The following TMED2 variants were observed in gnomAD, a reference collection of about 807,000 sequenced individuals.
TMED2 encodes transmembrane emp24 domain-containing protein 2.
Under a neutral mutation model 17.5 loss-of-function variants are expected in TMED2, and 3 were observed. The observed-to-expected ratio is 0.17, with a 90% CI of 0.08 to 0.44. The LOEUF (loss-of-function observed/expected upper bound fraction) is 0.44, where lower values mean the gene tolerates loss of function less well. Among genes scored for constraint, TMED2 ranks in the 20% least tolerant of loss-of-function variants. TMED2 has a pLI of 0.99. For synonymous variants in TMED2, 95 were observed against 91.0 expected, an observed-to-expected ratio of 1.04 and a Z score of -0.25; for missense variants, 149 against 254.8, an observed-to-expected ratio of 0.58 and a Z score of 2.83.
intron 1 of TMED2, chr12:123,585,922 C>T (rs1222395078): frequency 1.3e-5 from 2 of 152,130 alleles, no homozygotes; most frequent in Non-Finnish European, 1.5e-5. Flanking sequence ...GATAAAAATT[C>T]ATCTTGTTTA....
chr12:123,591,929 T>G (rs761886490), intron 3 of TMED2, among the ~76,000 whole-genome samples: 3 of 152,100 alleles, frequency 2.0e-5, no homozygotes, highest in Non-Finnish European at 4.4e-5. Flanking sequence ...GAGACTGGAG[T>G]AGGAAGTGAA....
Position 123,584,807 on chromosome 12 carries a change from C to A in TMED2, c.171C>A (p.Ile57=). ...FEVAEGGFLD[I]DVEITGPDNK... is the part of the protein sequence containing the mutation. ...TGGCGGAGGGCGGCTTCCTGGACATCGACGTGGAGGTGCGGGCTAGCTGCC... is the reference window on the plus strand; with the variant it reads ...TGGCGGAGGGCGGCTTCCTGGACATAGACGTGGAGGTGCGGGCTAGCTGCC... Residue 57 remains isoleucine (I), a synonymous_variant, in exon 1 of 4, where the codon ATC becomes ATA. Transcript: ENST00000262225. 3 of 1,610,134 alleles carry A rather than the reference C, an allele frequency of 1.9e-6. No individual in the cohort carries two copies. Among genetic ancestry groups the A allele is most frequent in the Non-Finnish European group, 2.5e-6 (3 of 1,179,806 alleles).
At chr12:123,585,939 A>T (rs1447410516) in intron 1 of TMED2, 1 of 152,246 alleles carries the variant, frequency 6.6e-6, no homozygotes, top group Non-Finnish European at 1.5e-5. Flanking sequence ...TTTATATTTT[A>T]AAAAACCACA....
Position 123,594,235 on chromosome 12 carries a change from C to T in TMED2, c.482-2370C>T, listed in dbSNP as rs192062801. 5.4e-3 allele frequency among the ~76,000 whole-genome samples: 823 copies of T among 151,496 alleles called. 7 individuals carry two copies. The highest frequency in any genetic ancestry group is 0.019 in the African/African-American group (776 of 41,288). On this transcript the variant is annotated intron_variant, in intron 3 of 3. Transcript: ENST00000262225. The stretch of plus-strand genomic sequence containing the variant: ...CTGCAAGCTCCGCCTCCCAGGTTCA[C>T]GCCATTCTCCTGCCTCAGCCTCTCG...
intron 3 of TMED2, 37 bp downstream of exon 3, chr12:123,590,486 G>C: frequency 6.6e-7 from 1 of 1,507,626 alleles, no homozygotes; most frequent in Non-Finnish European, 9.0e-7. Flanking sequence ...AGTGTCTGAT[G>C]GTGAAGGTTG....
chr12:123,592,259 T>C (rs952360), intron 3 of TMED2, among the ~76,000 whole-genome samples: 22,082 of 152,250 alleles, frequency 0.15, 1,859 homozygotes, highest in African/African-American at 0.23. Context: ...TTCTCTCTTA[T>C]CTTGTTGGGA....
rs1953382677 is a variant in TMED2, at chr12:123,590,379, A to G, written c.411A>G (p.Leu137=). The change falls in exon 3 of 4, where the codon CTA becomes CTG. Residue 137 remains leucine, a synonymous_variant. Coordinates refer to ENST00000262225, the MANE Select transcript of TMED2 (RefSeq NM_006815.4). Reference sequence around the variant, plus strand: ...AGCTAGAAGAAATGATCAATGAGCTAGCAGTGGCGATGACAGCTGTAAAGC... The same window carrying G: ...AGCTAGAAGAAATGATCAATGAGCTGGCAGTGGCGATGACAGCTGTAAAGC... ...QNKLEEMINE[L]AVAMTAVKHE... is the part of the protein sequence containing the mutation. 1.9e-6 allele frequency: 3 copies of G among 1,609,750 alleles called. No individual in the cohort carries two copies. The highest frequency in any genetic ancestry group is 4.5e-5 in the East Asian group (2 of 44,694).
At chr12:123,591,638 C>T (rs954448616) in intron 3 of TMED2, among the ~76,000 whole-genome samples, 4 of 152,162 alleles carry the variant, frequency 2.6e-5, no homozygotes, top group East Asian at 1.9e-4. Flanking sequence ...AAAAATTAGC[C>T]GGGCATGGTG....
intron 1 of TMED2, among the ~76,000 whole-genome samples, chr12:123,585,399 G>A (rs891128122): frequency 5.9e-5 from 9 of 152,244 alleles, no homozygotes; most frequent in Non-Finnish European, 1.3e-4. Flanking sequence ...CTGCCAAGGA[G>A]AGATGGGGAG....
Position 123,590,470 on chromosome 12 carries a change from T to G in TMED2, c.481+21T>G, listed in dbSNP as rs757583317. On this transcript the variant is annotated intron_variant, in intron 3 of 3. Transcript: ENST00000262225. ...AGCCAGTAAGTGAATGCCGTCACTT[T>G]GCAGCAGTGTCTGATGGTGAAGGTT... 2.4e-5 allele frequency: 37 copies of G among 1,558,878 alleles called. No homozygotes were observed. The African/African-American group carries it at 4.3e-4, about 18-fold the overall frequency.
At chr12:123,584,963 C>T (rs914084776) in intron 1 of TMED2, 147 bp downstream of exon 1, 1 of 1,028,828 alleles carries the variant, frequency 9.7e-7, no homozygotes, top group Non-Finnish European at 1.4e-6. Flanking sequence ...CACCCCCCGC[C>T]CCGCCCCGGC....
In TMED2 at chr12:123,586,760, A is replaced by G. The variant is rs1222605420; in HGVS notation, c.194A>G (p.Asp65Gly). The change falls in exon 2 of 4, where the codon GAT (aspartate) becomes GGT (glycine). Residue 65 changes from aspartate (D) to glycine (G), a missense_variant. Asp to Gly is a moderately conservative substitution (Grantham distance 94). Coordinates refer to ENST00000262225, the MANE Select transcript of TMED2 (RefSeq NM_006815.4). ...TCTTGCCTCCAGATTACAGGACCAG[A>G]TAACAAAGGAATTTACAAAGGAGAC... ...LDIDVEITGPDNKGIYKGDRE... is the reference protein window; with the variant it reads ...LDIDVEITGPGNKGIYKGDRE... 2.5e-6 allele frequency: 4 copies of G among 1,600,916 alleles called. No homozygotes were observed. The highest frequency in any genetic ancestry group is 2.2e-5 in the East Asian group (1 of 44,640).
chr12:123,596,581 G>A (rs570717834), intron 3 of TMED2, 24 bp from the exon 4 acceptor site: 1 of 1,565,720 alleles, frequency 6.4e-7, no homozygotes, highest in East Asian at 2.3e-5. Flanking sequence ...GTTAAATTTT[G>A]TTTGTTTGTT....
intron 3 of TMED2, among the ~76,000 whole-genome samples, chr12:123,590,706 G>A (rs1348023134): frequency 1.3e-5 from 2 of 152,130 alleles, no homozygotes; most frequent in East Asian, 3.9e-4. Flanking sequence ...TTTTCTGGCC[G>A]GGCATGGTGG....
chr12:123,590,018 C>CA (rs1477379177), intron 2 of TMED2, among the ~76,000 whole-genome samples: 1 of 150,994 alleles, frequency 6.6e-6, no homozygotes, highest in Non-Finnish European at 1.5e-5. Context: ...TGCAGTGGCT[C>CA]ACGCATGTAA....
intron 3 of TMED2, among the ~76,000 whole-genome samples, chr12:123,592,163 C>T (rs1440066069): frequency 6.6e-6 from 1 of 152,208 alleles, no homozygotes; most frequent in Non-Finnish European, 1.5e-5. Flanking sequence ...TGGACCAAGG[C>T]TTGTCTACAA....
rs1555273325 is a variant in TMED2, at chr12:123,584,588, C to CGGCTGT, written c.-46_-41dup. On this transcript the variant is annotated 5_prime_UTR_variant, in exon 1 of 4. Coordinates refer to ENST00000262225, the MANE Select transcript of TMED2 (RefSeq NM_006815.4). Reference sequence around the variant, plus strand: ...GGGGCGGCGGCGGCGGCGGCGGCGGCGGCTGTGGAGGCCGCAGTCCGGGTC... The same window carrying CGGCTGT: ...GGGGCGGCGGCGGCGGCGGCGGCGGCGGCTGTGGCTGTGGAGGCCGCAGTCCGGGTC... 6 of 1,573,388 alleles carry CGGCTGT rather than the reference C, an allele frequency of 3.8e-6. No homozygotes were observed. The African/African-American group carries it at 6.8e-5, about 18-fold the overall frequency.
chr12:123,587,188 C>A (rs1401990345), intron 2 of TMED2, among the ~76,000 whole-genome samples: 1 of 151,868 alleles, frequency 6.6e-6, no homozygotes, highest in African/African-American at 2.4e-5. Context: ...GCTCTTTCGC[C>A]CAGGCTGGAG....
Position 123,597,098 on chromosome 12 carries a change from G to GT in TMED2, c.*369_*370insT. 1 of 154,188 alleles carries GT rather than the reference G, an allele frequency of 6.5e-6. No homozygotes were observed. Among genetic ancestry groups the GT allele is most frequent in the Non-Finnish European group, 1.4e-5 (1 of 69,394 alleles). The allele number at this position is 154,188 out of a possible 1,614,324, so 9.6% of individuals were successfully genotyped here. ...AAGCCTGATAGTACTTTACTAAAAT[G>GT]ACTGCATTCTTTGGATTCCTTCAGT... On this transcript the variant is annotated 3_prime_UTR_variant, in exon 4 of 4. Transcript: ENST00000262225.
Sources: gnomAD v4.1 joint callset for allele counts (sites outside exome capture counted in the v4.1 genomes callset) on GRCh38, gnomAD v4.1.1 for gene constraint, MANE v1.5 for transcripts, NCBI Gene and HGNC (gene_info 2026-07-23, HGNC 2026-07-21) for gene names.